The following SBK3 variants were observed in gnomAD, a reference collection of about 807,000 sequenced individuals.
SBK3 encodes the protein SH3 domain binding kinase family member 3.
SBK3 carries 16 observed loss-of-function variants against 12.7 expected under a neutral mutation model. That is an observed-to-expected ratio of 1.26 (90% confidence interval 0.86 to 1.92). SBK3 has a LOEUF of 1.92. SBK3 is among the 40% of genes most tolerant of loss of function. The probability of loss-of-function intolerance (pLI) is 0.00; values close to 1 mark genes in which losing one functional copy is unlikely to be tolerated. For synonymous variants in SBK3, 217 were observed against 213.6 expected (o/e 1.02, Z -0.14); for missense variants, 462 against 481.8 (o/e 0.96, Z 0.38).
chr19:55,542,138 TTATC>T (rs1214745628), intron 3 of SBK3, among the ~76,000 whole-genome samples: 3 of 152,180 alleles, frequency 2.0e-5, no homozygotes, highest in African/African-American at 7.2e-5. Flanking sequence ...CATCAATTGA[TTATC>T]TATCCGTCTA....
rs1209568152 is a variant in SBK3 at position 55,541,706 on chromosome 19, G to A, written c.400-180C>T. ...TTCCTTCTGAATAATTTTTGAAAGA[G>A]GCTCTAGATTCCTAAGTCCTAAAAG... On this transcript the variant is annotated intron_variant, in intron 3 of 3. Coordinates refer to ENST00000612221, the MANE Select transcript of SBK3 (RefSeq NM_001199824.2). This position sits in a 1 kb window ranked among gnomAD's most constrained non-coding sequence, Gnocchi z 5.3. 6.6e-6 allele frequency among the ~76,000 whole-genome samples: 1 copy of A among 152,186 alleles called. No homozygotes were observed. Among genetic ancestry groups the A allele is most frequent in the East Asian group, 1.9e-4 (1 of 5,196 alleles).
Position 55,544,827 on chromosome 19 carries a change from G to T in SBK3, c.168C>A (p.Arg56=), listed in dbSNP as rs753880835. 3.3e-6 allele frequency: 5 copies of T among 1,527,786 alleles called. No homozygotes were observed. In the South Asian group the frequency reaches 6.0e-5, roughly 18 times the overall value. The allele number at this position is 1,527,786 out of a possible 1,614,324, so 94.6% of individuals were successfully genotyped here. The change falls in exon 2 of 4, where the codon CGC becomes CGA. Residue 56 remains arginine (R), a synonymous_variant. Coordinates refer to ENST00000612221, the MANE Select transcript of SBK3 (RefSeq NM_001199824.2). ...IRKLGSGSYG[R]VLLAQPHQGG... is the part of the protein sequence containing the mutation. ...CCTGGTGAGGCTGGGCAAGGAGCAC[G>T]CGGCCGTAGGAGCCGGAGCCCAGCT...
rs1988537609 is a variant in SBK3 at position 55,540,659 on chromosome 19, C to T, written c.*187G>A. 3.2e-6 allele frequency: 2 copies of T among 634,530 alleles called. No homozygotes were observed. The highest frequency in any genetic ancestry group is 5.5e-5 in the East Asian group (2 of 36,526). The allele number at this position is 634,530 out of a possible 1,614,324, so 39.3% of individuals were successfully genotyped here. On this transcript the variant is annotated 3_prime_UTR_variant, in exon 4 of 4. Transcript: ENST00000612221. ...GATCCTGCGTCTGAGAGAGGAGGGG[C>T]AGGAGCTGGGCTCTTGGGTCCTCAG...
At chr19:55,544,979 G>A (rs1176431437) in intron 1 of SBK3, 30 bp from the exon 2 acceptor site, 2 of 1,503,418 alleles carry the variant, frequency 1.3e-6, no homozygotes, top group South Asian at 1.3e-5. Flanking sequence ...TGAGGAGGGG[G>A]CGCGTCTGGG....
chr19:55,543,816 C>T (rs1471399867), intron 3 of SBK3, among the ~76,000 whole-genome samples: 1 of 152,140 alleles, frequency 6.6e-6, no homozygotes, highest in Non-Finnish European at 1.5e-5. Flanking sequence ...AAAATCCCAA[C>T]CCTGTCTCCC....
At position 55,541,743 on chromosome 19, in the gene SBK3, G is replaced by C. The variant is rs976117717; in HGVS notation, c.400-217C>G. Among the ~76,000 whole-genome samples, 7 of 152,186 alleles carry C rather than the reference G, an allele frequency of 4.6e-5. No individual in the cohort carries two copies. The highest frequency in any genetic ancestry group is 1.7e-4 in the African/African-American group (7 of 41,508). ...CTAAGTCCTAAAAGTTTGACTCTTG[G>C]GGTTTGAGAATCTAGAACCCCAGAC... On this transcript the variant is annotated intron_variant, in intron 3 of 3. Coordinates refer to ENST00000612221, the MANE Select transcript of SBK3 (RefSeq NM_001199824.2). This position sits in a 1 kb window ranked among gnomAD's most constrained non-coding sequence, Gnocchi z 5.3.
Position 55,544,796 on chromosome 19 carries a change from C to A in SBK3, c.196+3G>T. 1 of 1,493,670 alleles carries A rather than the reference C, an allele frequency of 6.7e-7. No individual in the cohort carries two copies. Among genetic ancestry groups the A allele is most frequent in the Admixed American group, 2.2e-5 (1 of 44,666 alleles). The allele number at this position is 1,493,670 out of a possible 1,614,324, so 92.5% of individuals were successfully genotyped here. On this transcript the variant is annotated splice_donor_region_variant and intron_variant, in intron 2 of 3. Coordinates refer to ENST00000612221, the MANE Select transcript of SBK3 (RefSeq NM_001199824.2). The stretch of plus-strand genomic sequence containing the variant: ...GAGGCTGCCCTTGGGTGGCTGAACT[C>A]ACCCCCCTGGTGAGGCTGGGCAAGG...
rs1978361020 is a variant in SBK3 at position 55,545,540 on chromosome 19, C to T, written c.4G>A (p.Glu2Lys). The change falls in exon 1 of 4, where the codon GAG becomes AAG. Residue 2 changes from glutamate (E) to lysine (K), a missense_variant. Transcript: ENST00000612221. This position sits in a 1 kb window ranked among gnomAD's most constrained non-coding sequence, Gnocchi z 4.4. Reference sequence around the variant, plus strand: ...TCAGGGGTCTCGGAGGCCCTGCGCTCCATCTCAGGGCTTCCTGATGTGGGG... The same window carrying T: ...TCAGGGGTCTCGGAGGCCCTGCGCTTCATCTCAGGGCTTCCTGATGTGGGG... M[E>K]RRASETPEDG... 5 of 1,534,730 alleles carry T rather than the reference C, an allele frequency of 3.3e-6. No homozygotes were observed. The highest frequency in any genetic ancestry group is 3.5e-6 in the Non-Finnish European group (4 of 1,146,206).
At position 55,544,253 on chromosome 19, in the gene SBK3, G is replaced by A. The variant is rs1295404084; in HGVS notation, c.246C>T (p.Ser82=). The change falls in exon 3 of 4, where the codon AGC becomes AGT. Residue 82 remains serine (S), a synonymous_variant. Transcript: ENST00000612221. ...KLLRRDLVLR[S]TFLREFCVGR... is the part of the protein sequence containing the mutation. Reference sequence around the variant, plus strand: ...CCACACAGAACTCCCTCAGGAAGGTGCTTCTCAGGACCAAATCCCGACGCA... The same window carrying A: ...CCACACAGAACTCCCTCAGGAAGGTACTTCTCAGGACCAAATCCCGACGCA... 3 of 1,536,044 alleles carry A rather than the reference G, an allele frequency of 2.0e-6. No homozygotes were observed. The highest frequency in any genetic ancestry group is 2.6e-6 in the Non-Finnish European group (3 of 1,146,880).
rs111219429 is a variant in SBK3 at position 55,542,747 on chromosome 19, C to T, written c.400-1221G>A. Among the ~76,000 whole-genome samples the T allele has an allele frequency of 9.2e-3, 1,368 of 148,332 alleles. 15 individuals are homozygous for T. The highest frequency in any genetic ancestry group is 0.015 in the Non-Finnish European group (979 of 67,012). ...ACCCATCCACTCATCCATCCATTCA[C>T]TCACCCACAAAACCTTTCATCCATC... On this transcript the variant is annotated intron_variant, in intron 3 of 3. Transcript: ENST00000612221.
intron 3 of SBK3, among the ~76,000 whole-genome samples, chr19:55,543,192 CCCATCCATCCATCCA>C (rs1339189531): frequency 7.9e-6 from 1 of 126,332 alleles, no homozygotes; most frequent in Non-Finnish European, 1.7e-5. Context: ...CACCCACCCA[CCCATCCATCCATCCA>C]CCATCCATCC....
chr19:55,544,785 G>A lies in SBK3; in HGVS notation c.196+14C>T. The A allele has an allele frequency of 6.7e-7, 1 of 1,482,400 alleles. No homozygotes were observed. Among genetic ancestry groups the A allele is most frequent in the Admixed American group, 2.3e-5 (1 of 43,194 alleles). 91.8% of individuals were successfully genotyped at this position (1,482,400 alleles called of 1,614,324 possible). ...GGGCAGTTGGGGAGGCTGCCCTTGG[G>A]TGGCTGAACTCACCCCCCTGGTGAG... On this transcript the variant is annotated intron_variant, in intron 2 of 3. Coordinates refer to ENST00000612221, the MANE Select transcript of SBK3 (RefSeq NM_001199824.2).
chr19:55,545,470 G>T lies in SBK3; in HGVS notation c.45+29C>A. 2 of 1,496,780 alleles carry T rather than the reference G, an allele frequency of 1.3e-6. No individual in the cohort carries two copies. The highest frequency in any genetic ancestry group is 2.0e-5 in the Admixed American group (1 of 50,386). The allele number at this position is 1,496,780 out of a possible 1,614,324, so 92.7% of individuals were successfully genotyped here. On this transcript the variant is annotated intron_variant, in intron 1 of 3. Transcript: ENST00000612221. This position sits in a 1 kb window ranked among gnomAD's most constrained non-coding sequence, Gnocchi z 4.4. ...CTCTCTCTCCTTCTTTTCTCTCTCT[G>T]TCTTCCTCCCCTGGCTCCCGTCTCT...
At chr19:55,544,970 G>A (rs891365324) in intron 1 of SBK3, 21 bp from the exon 2 acceptor site, 1 of 1,515,606 alleles carries the variant, frequency 6.6e-7, no homozygotes, top group African/African-American at 1.4e-5. Context: ...GGGGCAGGGT[G>A]AGGAGGGGGC....
Position 55,541,387 on chromosome 19 carries a change from GC to G in SBK3, c.538del (p.Ala180ProfsTer7). 2.0e-6 allele frequency: 3 copies of G among 1,535,838 alleles called. No homozygotes were observed. The highest frequency in any genetic ancestry group is 2.6e-6 in the Non-Finnish European group (3 of 1,146,822). ...LVFDPVCSRVALGDLGLTRPE... is the reference protein window; with the variant it reads ...LVFDPVCSRVXLGDLGLTRPE... ...CCGGGTCAGACCCAGGTCTCCCAGG[GC>G]CACACGGCTGCAGACCGGGTCGAAG... On this transcript the variant is annotated frameshift_variant, in exon 4 of 4. Transcript: ENST00000612221. LOFTEE classifies it low-confidence loss of function (END_TRUNC). This position sits in a 1 kb window ranked among gnomAD's most constrained non-coding sequence, Gnocchi z 5.3.
Position 55,542,784 on chromosome 19 carries a change from C to T in SBK3, c.400-1258G>A, listed in dbSNP as rs1599949661. Among the ~76,000 whole-genome samples the T allele has an allele frequency of 2.0e-5, 3 of 150,020 alleles. No individual in the cohort carries two copies. In the East Asian group the frequency reaches 6.0e-4, roughly 30 times the overall value. ...ACCTTTCATCCATCCATCCACCCAT[C>T]CATCCACCCACCAATCCTTCCTTCT... On this transcript the variant is annotated intron_variant, in intron 3 of 3. Coordinates refer to ENST00000612221, the MANE Select transcript of SBK3 (RefSeq NM_001199824.2).
rs1988645494 is a variant in SBK3 at position 55,545,060 on chromosome 19, G to T, written c.46-111C>A. 1.3e-6 allele frequency: 1 copy of T among 784,694 alleles called. No individual in the cohort carries two copies. The highest frequency in any genetic ancestry group is 2.0e-6 in the Non-Finnish European group (1 of 505,406). The allele number at this position is 784,694 out of a possible 1,614,324, so 48.6% of individuals were successfully genotyped here. A position where few individuals can be genotyped will look rare whatever the true frequency, so the allele number is the denominator to read the frequency against. On this transcript the variant is annotated intron_variant, in intron 1 of 3. Transcript: ENST00000612221. The surrounding 1 kb of genome is among the most constrained non-coding windows in gnomAD (Gnocchi z 4.4). Reference sequence around the variant, plus strand: ...ATGGAGGGTGGGGCAGGGGACAGGGGTCACTGTCCCCAGAGAGGAGGATGA... The same window carrying T: ...ATGGAGGGTGGGGCAGGGGACAGGGTTCACTGTCCCCAGAGAGGAGGATGA...
At chr19:55,542,370 T>TCCAC (rs1988571170) in intron 3 of SBK3, among the ~76,000 whole-genome samples, 1 of 151,868 alleles carries the variant, frequency 6.6e-6, no homozygotes, top group African/African-American at 2.4e-5. Flanking sequence ...AATCCTTCCG[T>TCCAC]CCACCCACCC....
Position 55,544,813 on chromosome 19 carries a change from TGGG to T in SBK3, c.179_181del (p.Ala60_Gln61delinsGlu). The T allele has an allele frequency of 6.6e-7, 1 of 1,517,872 alleles. No homozygotes were observed. The highest frequency in any genetic ancestry group is 1.2e-5 in the South Asian group (1 of 82,070). The allele number at this position is 1,517,872 out of a possible 1,614,324, so 94.0% of individuals were successfully genotyped here. On this transcript the variant is annotated inframe_deletion, in exon 2 of 4. Transcript: ENST00000612221. ...GCTGAACTCACCCCCCTGGTGAGGC[TGGG>T]CAAGGAGCACGCGGCCGTAGGAGCC...
Sources: gnomAD v4.1 joint callset for allele counts (sites outside exome capture counted in the v4.1 genomes callset) on GRCh38, gnomAD v4.1.1 for gene constraint, Gnocchi (gnomAD v3.1) non-coding constraint, MANE v1.5 for transcripts, NCBI Gene and HGNC (gene_info 2026-07-23, HGNC 2026-07-21) for gene names.